TLN2: variants seen among roughly 807,000 people sequenced by gnomAD.
TLN2 encodes the protein talin 2.
TLN2 carries 118 observed loss-of-function variants against 294.7 expected under a neutral mutation model. The ratio of observed to expected loss-of-function variants is 0.40; its 90% CI spans 0.34 to 0.47. TLN2 has a LOEUF of 0.47. TLN2 is among the 20% of genes least tolerant of loss of function. The probability of loss-of-function intolerance (pLI) is 0.84; values close to 1 mark genes in which losing one functional copy is unlikely to be tolerated. For synonymous variants in TLN2, 1,431 were observed against 1,304.5 expected (o/e 1.10, Z -2.09); for missense variants, 3,083 against 3,282.2 (o/e 0.94, Z 1.48).
Position 62,785,068 on chromosome 15 carries a change from A to G in TLN2, c.5736+1178A>G, listed in dbSNP as rs138821741. 1.4e-3 allele frequency among the ~76,000 whole-genome samples: 213 copies of G among 152,342 alleles called. 2 individuals carry two copies. Among genetic ancestry groups the G allele is most frequent in the African/African-American group, 5.0e-3 (208 of 41,588 alleles). On this transcript the variant is annotated intron_variant, in intron 45 of 58. Coordinates refer to ENST00000636159, the MANE Select transcript of TLN2 (RefSeq NM_015059.3). The stretch of plus-strand genomic sequence containing the variant: ...GTACTTGCATACATAAATATCTAGC[A>G]TGGGATTACTTAAGTCTCTAACAGT...
chr15:62,780,317 A>T (rs920511881), intron 43 of TLN2, among the ~76,000 whole-genome samples: 1 of 152,190 alleles, frequency 6.6e-6, no homozygotes, highest in Non-Finnish European at 1.5e-5. Flanking sequence ...TATCATCAGC[A>T]TCTTCATTAT....
chr15:62,585,465 C>T (rs181885241), intron 1 of TLN2, among the ~76,000 whole-genome samples: 175 of 152,192 alleles, frequency 1.1e-3, no homozygotes, highest in African/African-American at 4.0e-3. Context: ...CCATGTACTC[C>T]GAGAGGTGTA....
intron 1 of TLN2, among the ~76,000 whole-genome samples, chr15:62,490,276 T>C (rs2038637100): frequency 6.6e-6 from 1 of 152,206 alleles, no homozygotes; most frequent in Non-Finnish European, 1.5e-5. Flanking sequence ...ATTAAATTGA[T>C]TTATGGATTC....
At chr15:62,833,478 G>A (rs764796872) in intron 54 of TLN2, 26 bp from the exon 55 acceptor site, 40 of 1,611,326 alleles carry the variant, frequency 2.5e-5, no homozygotes, top group Admixed American at 6.7e-5. Context: ...TGAATTGAAT[G>A]TGATGCTGTT....
chr15:62,481,561 C>T (rs1157376604), intron 1 of TLN2, among the ~76,000 whole-genome samples: 1 of 152,026 alleles, frequency 6.6e-6, no homozygotes, highest in Non-Finnish European at 1.5e-5. Context: ...AGGGTCACAC[C>T]ATGATGCCCG....
Position 62,710,745 on chromosome 15 carries a change from T to TG in TLN2, c.2468-1165dup, listed in dbSNP as rs2059375709. 4.5e-5 allele frequency among the ~76,000 whole-genome samples: 3 copies of TG among 67,114 alleles called. 1 individual carries two copies. The Admixed American group carries it at 5.5e-4, about 12-fold the overall frequency. The allele number at this position is 67,114 out of a possible 152,430, so 44.0% of individuals were successfully genotyped here. A position where few individuals can be genotyped will look rare whatever the true frequency, so the allele number is the denominator to read the frequency against. On this transcript the variant is annotated intron_variant, in intron 21 of 58. Coordinates refer to ENST00000636159, the MANE Select transcript of TLN2 (RefSeq NM_015059.3). ...CTTTTTTTTTTTTTTTTTTTTTTTT[T>TG]GATGGAGTCTTGCTCTGTTGCCCAG...
At chr15:62,400,997 G>A (rs1595724692) in intron 1 of TLN2, among the ~76,000 whole-genome samples, 1 of 151,922 alleles carries the variant, frequency 6.6e-6, no homozygotes, top group African/African-American at 2.4e-5. Context: ...TCTATTTTTA[G>A]CAGAGACAGG....
chr15:62,623,893 C>T (rs571485491), intron 3 of TLN2, among the ~76,000 whole-genome samples: 36 of 152,240 alleles, frequency 2.4e-4, no homozygotes, highest in Non-Finnish European at 4.4e-4. Context: ...GAGGATTGAC[C>T]CATCAAACTC....
intron 7 of TLN2, among the ~76,000 whole-genome samples, chr15:62,655,150 T>G (rs1596516769): frequency 6.6e-6 from 1 of 152,194 alleles, no homozygotes; most frequent in Admixed American, 6.5e-5. Context: ...CCCAAGGATT[T>G]ATTATTATGT....
intron 47 of TLN2, 45 bp from the exon 48 acceptor site, chr15:62,797,174 G>A: frequency 6.2e-7 from 1 of 1,605,800 alleles, no homozygotes; most frequent in Non-Finnish European, 8.5e-7. Flanking sequence ...ATCAAGCTTT[G>A]CCCTCTGTCT....
intron 31 of TLN2, 124 bp from the exon 32 acceptor site, chr15:62,740,506 C>G: frequency 1.5e-6 from 2 of 1,301,140 alleles, no homozygotes; most frequent in Non-Finnish European, 2.1e-6. Context: ...TGCGGGCTAA[C>G]TGGGTTTAAT....
intron 19 of TLN2, among the ~76,000 whole-genome samples, chr15:62,705,481 T>G (rs757470836): frequency 4.6e-5 from 7 of 152,186 alleles, no homozygotes; most frequent in Admixed American, 2.0e-4. Flanking sequence ...TAGTATCACA[T>G]TCTTTTTCTG....
chr15:62,688,912 G>T (rs1227660747), intron 12 of TLN2, among the ~76,000 whole-genome samples: 1 of 151,846 alleles, frequency 6.6e-6, no homozygotes, highest in Non-Finnish European at 1.5e-5. Flanking sequence ...ATGAATTCTT[G>T]TAGAGAGCAT....
chr15:62,505,592 G>A (rs1339555442), intron 1 of TLN2, among the ~76,000 whole-genome samples: 2 of 152,304 alleles, frequency 1.3e-5, no homozygotes, highest in East Asian at 3.9e-4. Flanking sequence ...GGTAGCCTCA[G>A]GCTGGAGTGT....
At chr15:62,581,989 A>G (rs1046996794) in intron 1 of TLN2, among the ~76,000 whole-genome samples, 8 of 151,778 alleles carry the variant, frequency 5.3e-5, no homozygotes, top group African/African-American at 1.9e-4. Context: ...GTTTGCAGTG[A>G]GCCAAGATTG....
At chr15:62,556,884 A>G (rs1420609752) in intron 1 of TLN2, among the ~76,000 whole-genome samples, 2 of 152,236 alleles carry the variant, frequency 1.3e-5, no homozygotes, top group Non-Finnish European at 1.5e-5. Context: ...TTTATAAGGA[A>G]ACATTTTGAT....
intron 1 of TLN2, among the ~76,000 whole-genome samples, chr15:62,505,765 T>C (rs780142): frequency 6.6e-6 from 1 of 151,994 alleles, no homozygotes; most frequent in Admixed American, 6.5e-5. Flanking sequence ...ATGAGGAAGG[T>C]GGAAGGAAGT....
intron 54 of TLN2, among the ~76,000 whole-genome samples, chr15:62,821,860 C>T (rs111345622): frequency 0.054 from 8,272 of 152,188 alleles, 758 homozygotes; most frequent in African/African-American, 0.19. Flanking sequence ...TCAAGTTAAT[C>T]GTGAATGAAA....
intron 50 of TLN2, 125 bp from the exon 51 acceptor site, chr15:62,805,475 T>C (rs2066215125): frequency 2.0e-6 from 2 of 1,011,526 alleles, no homozygotes; most frequent in East Asian, 2.6e-5. Flanking sequence ...AATTTCGCCA[T>C]GTGACAGTTT....
Sources: allele counts gnomAD v4.1 joint callset (sites outside exome capture counted in the v4.1 genomes callset), GRCh38; gene constraint gnomAD v4.1.1; transcripts MANE v1.5; gene names NCBI Gene and HGNC (gene_info 2026-07-23, HGNC 2026-07-21).